The following CAMTA1 variants were observed in gnomAD, a reference collection of about 807,000 sequenced individuals.
CAMTA1 encodes the protein calmodulin-binding transcription activator 1.
Under a neutral mutation model 170.9 loss-of-function variants are expected in CAMTA1, and 27 were observed. The observed-to-expected ratio is 0.16, with a 90% confidence interval of 0.12 to 0.22. The LOEUF (loss-of-function observed/expected upper bound fraction) is 0.22. Among genes scored for constraint, CAMTA1 ranks in the 10% least tolerant of loss-of-function variants. CAMTA1 has a pLI of 1.00. For synonymous variants in CAMTA1, 833 were observed against 891.5 expected (o/e 0.93, Z 1.17); for missense variants, 1,619 against 2,217.2 (o/e 0.73, Z 5.42).
intron 5 of CAMTA1, among the ~76,000 whole-genome samples, chr1:7,384,175 G>T (rs2087673358): frequency 6.6e-6 from 1 of 152,228 alleles, no homozygotes; most frequent in South Asian, 2.1e-4. Context: ...GGAAAAGGGG[G>T]AATGGAGCGA....
At chr1:6,856,507 G>A (rs1241792490) in intron 3 of CAMTA1, among the ~76,000 whole-genome samples, 2 of 152,010 alleles carry the variant, frequency 1.3e-5, no homozygotes, top group East Asian at 3.9e-4. Context: ...GCTCTTTTGT[G>A]CCAGGCACTA....
chr1:7,265,018 G>A (rs1399149454), intron 5 of CAMTA1, among the ~76,000 whole-genome samples: 2 of 152,234 alleles, frequency 1.3e-5, no homozygotes, highest in Admixed American at 1.3e-4. Context: ...GCCTGCAGGG[G>A]TGGGGAGGGA....
intron 4 of CAMTA1, among the ~76,000 whole-genome samples, chr1:7,128,362 G>A (rs1000486753): frequency 2.0e-5 from 3 of 152,184 alleles, no homozygotes; most frequent in Non-Finnish European, 2.9e-5. Flanking sequence ...TCCCCAACAC[G>A]GGTGGCCAGG....
At position 7,428,422 on chromosome 1, in the gene CAMTA1, T is replaced by C. The variant is rs376089169; in HGVS notation, c.439-39408T>C. ...AGGCACACCTTGCTGCCTCTAGGAT[T>C]TTACCGAGGGCCGATCACCACATCA... On this transcript the variant is annotated intron_variant, in intron 5 of 22. Coordinates refer to ENST00000303635, the MANE Select transcript of CAMTA1 (RefSeq NM_015215.4). Among the ~76,000 whole-genome samples the C allele has an allele frequency of 4.4e-4, 65 of 146,648 alleles. 2 individuals carry two copies. The South Asian group carries it at 0.013, about 30-fold the overall frequency.
intron 5 of CAMTA1, among the ~76,000 whole-genome samples, chr1:7,420,246 C>T (rs2091469839): frequency 6.6e-6 from 1 of 152,054 alleles, no homozygotes; most frequent in African/African-American, 2.4e-5. Flanking sequence ...GCTCCCCCAC[C>T]TCTCCCCTCT....
chr1:7,031,825 G>A (rs2101101467), intron 3 of CAMTA1, among the ~76,000 whole-genome samples: 1 of 152,246 alleles, frequency 6.6e-6, no homozygotes, highest in Middle Eastern at 3.4e-3. Context: ...ATAGGCATGA[G>A]TCACCACGCC....
chr1:7,501,167 A>C (rs1575664395), intron 6 of CAMTA1, among the ~76,000 whole-genome samples: 3 of 151,382 alleles, frequency 2.0e-5, no homozygotes, highest in African/African-American at 7.3e-5. Context: ...TTCTCCCCAG[A>C]CCCTCCAGGG....
At position 7,303,525 on chromosome 1, in the gene CAMTA1, G is replaced by T. The variant is rs142894652; in HGVS notation, c.438+53899G>T. On this transcript the variant is annotated intron_variant, in intron 5 of 22. Coordinates refer to ENST00000303635, the MANE Select transcript of CAMTA1 (RefSeq NM_015215.4). ...AAATTAGTACATTTTACCAGCGTAG[G>T]TGTTATTTTCTTACCCTTTTGTTGG... 3.5e-4 allele frequency among the ~76,000 whole-genome samples: 54 copies of T among 152,258 alleles called. No individual in the cohort carries two copies. In the East Asian group the frequency reaches 0.01, roughly 29 times the overall value.
intron 5 of CAMTA1, among the ~76,000 whole-genome samples, chr1:7,440,849 C>A (rs2092506780): frequency 1.3e-5 from 2 of 152,240 alleles, no homozygotes; most frequent in Admixed American, 6.5e-5. Flanking sequence ...CTTCATCACA[C>A]TGTTTTGGGA....
intron 11 of CAMTA1, among the ~76,000 whole-genome samples, chr1:7,726,202 C>G (rs1385330865): frequency 6.7e-6 from 1 of 149,594 alleles, no homozygotes; most frequent in Non-Finnish European, 1.5e-5. Context: ...TTGATACTTC[C>G]TTGTCTGTCA....
At chr1:7,619,892 C>T (rs530816446) in intron 6 of CAMTA1, among the ~76,000 whole-genome samples, 3 of 152,282 alleles carry the variant, frequency 2.0e-5, no homozygotes, top group East Asian at 1.9e-4. Context: ...TCAAGTGATC[C>T]GCCTGCCTCG....
chr1:7,747,922 T>TA, intron 19 of CAMTA1, 141 bp downstream of exon 19: 1 of 556,402 alleles, frequency 1.8e-6, no homozygotes, highest in Non-Finnish European at 3.1e-6. Context: ...TTTTTTTTAT[T>TA]TTTTTTTTGA....
Position 7,737,411 on chromosome 1 carries a change from C to A in CAMTA1, c.3499C>A (p.Gln1167Lys). Reference sequence around the variant, plus strand: ...ATTAGCAGAGTGTCTGGAGCACCTGCAGAGAGATGAGCAGGCTCAGCTGGG... The same window carrying A: ...ATTAGCAGAGTGTCTGGAGCACCTGAAGAGAGATGAGCAGGCTCAGCTGGG... ...VKLAECLEHL[Q>K]RDEQAQLGQN... The change falls in exon 15 of 23, where the codon CAG (glutamine) becomes AAG (lysine). Residue 1167 changes from glutamine (Q) to lysine (K), a missense_variant. Transcript: ENST00000303635. 6.2e-7 allele frequency: 1 copy of A among 1,614,186 alleles called. No individual in the cohort carries two copies. Among genetic ancestry groups the A allele is most frequent in the Non-Finnish European group, 8.5e-7 (1 of 1,179,982 alleles).
rs2092942214 is a variant in CAMTA1, at chr1:7,455,969, A to G, written c.439-11861A>G. Among the ~76,000 whole-genome samples the G allele has an allele frequency of 6.6e-6, 1 of 152,270 alleles. No individual in the cohort carries two copies. The highest frequency in any genetic ancestry group is 2.1e-4 in the South Asian group (1 of 4,822). On this transcript the variant is annotated intron_variant, in intron 5 of 22. Transcript: ENST00000303635. The surrounding 1 kb of genome is among the most constrained non-coding windows in gnomAD (Gnocchi z 5.0). ...AGGGTACAGCCTGAGCCTCCTTACC[A>G]AGGCTCAGGGTCCCACCGTTGGTCA...
intron 6 of CAMTA1, among the ~76,000 whole-genome samples, chr1:7,581,047 G>A (rs1348916285): frequency 1.3e-5 from 2 of 152,246 alleles, no homozygotes; most frequent in Non-Finnish European, 2.9e-5. Context: ...GGTGCCAGGG[G>A]CACTGGGGAG....
chr1:7,666,030 G>T (rs1200648360), intron 9 of CAMTA1, among the ~76,000 whole-genome samples: 3 of 151,948 alleles, frequency 2.0e-5, no homozygotes, highest in Non-Finnish European at 4.4e-5. Context: ...TTAACTGGGC[G>T]TAGTGGCACG....
chr1:7,421,914 G>T (rs1012143454), intron 5 of CAMTA1, among the ~76,000 whole-genome samples: 2 of 151,876 alleles, frequency 1.3e-5, no homozygotes, highest in African/African-American at 4.8e-5. Context: ...GGCAAGCGTT[G>T]CTCTGTGTGG....
At chr1:6,816,947 A>G (rs1189024519) in intron 1 of CAMTA1, among the ~76,000 whole-genome samples, 1 of 152,224 alleles carries the variant, frequency 6.6e-6, no homozygotes, top group African/African-American at 2.4e-5. Flanking sequence ...TATGGTTTTC[A>G]AAGATAGAAT....
chr1:7,201,691 A>G (rs1037994491), intron 4 of CAMTA1, among the ~76,000 whole-genome samples: 1 of 152,162 alleles, frequency 6.6e-6, no homozygotes, highest in African/African-American at 2.4e-5. Flanking sequence ...TTTCTTCCTT[A>G]GAGAAATGTC....
Sources: allele counts gnomAD v4.1 joint callset (sites outside exome capture counted in the v4.1 genomes callset), GRCh38; gene constraint gnomAD v4.1.1; non-coding constraint Gnocchi (gnomAD v3.1); transcripts MANE v1.5; gene names NCBI Gene and HGNC (gene_info 2026-07-23, HGNC 2026-07-21).